Variants in ZFYVE19 observed in about 807,000 individuals in gnomAD.
ZFYVE19 encodes the protein abscission/NoCut checkpoint regulator.
Under a neutral mutation model 62.8 loss-of-function variants are expected in ZFYVE19, and 49 were observed. The ratio of observed to expected loss-of-function variants is 0.78; its 90% confidence interval spans 0.62 to 0.99. ZFYVE19 has a LOEUF of 0.99. Among genes scored for constraint, ZFYVE19 ranks in the 50% least tolerant of loss-of-function variants. ZFYVE19 has a pLI of 0.00. For missense variants in ZFYVE19, 630 were observed against 601.9 expected (o/e 1.05, Z -0.49); for synonymous variants, 242 against 234.3 (o/e 1.03, Z -0.30).
intron 1 of ZFYVE19, chr15:40,808,392 C>G (rs1468791387): frequency 1.3e-6 from 2 of 1,595,252 alleles, no homozygotes; most frequent in South Asian, 2.2e-5. Context: ...CCCTCTGCCT[C>G]AGTTGTGGCC....
chr15:40,807,099 G>A lies in ZFYVE19; in HGVS notation c.-491G>A. 1.4e-6 allele frequency: 1 copy of A among 735,566 alleles called. No individual in the cohort carries two copies. Among genetic ancestry groups the A allele is most frequent in the Non-Finnish European group, 2.2e-6 (1 of 463,304 alleles). 45.6% of individuals were successfully genotyped at this position (735,566 alleles called of 1,614,324 possible). A position where few individuals can be genotyped will look rare whatever the true frequency, so the allele number is the denominator to read the frequency against. On this transcript the variant is annotated 5_prime_UTR_variant, in exon 1 of 11. Coordinates refer to ENST00000355341, the MANE Select transcript of ZFYVE19 (RefSeq NM_001077268.2). Reference sequence around the variant, plus strand: ...GCAGAGGAGGCTAGCGTTCCTTGCTGCCTCGCCCCGCGGCCTCTAGGAGAC... The same window carrying A: ...GCAGAGGAGGCTAGCGTTCCTTGCTACCTCGCCCCGCGGCCTCTAGGAGAC...
At position 40,814,393 on chromosome 15, in the gene ZFYVE19, A is replaced by G; in HGVS notation, c.*167A>G. The stretch of plus-strand genomic sequence containing the variant: ...AATGAGGAAAGATTCTCCATTCGAG[A>G]GAATGACTGGGAGGGAAGAAGTCGG... On this transcript the variant is annotated 3_prime_UTR_variant, in exon 11 of 11. Transcript: ENST00000355341. 1.3e-6 allele frequency: 1 copy of G among 791,476 alleles called. No individual in the cohort carries two copies. The highest frequency in any genetic ancestry group is 2.0e-6 in the Non-Finnish European group (1 of 505,138). The allele number at this position is 791,476 out of a possible 1,614,324, so 49.0% of individuals were successfully genotyped here.
chr15:40,809,048 C>G (rs1890385275), intron 1 of ZFYVE19, 71 bp from the exon 2 acceptor site: 8 of 1,590,322 alleles, frequency 5.0e-6, no homozygotes, highest in Non-Finnish European at 6.9e-6. Context: ...TCTGTGTGTG[C>G]TTGGAGAGTC....
At chr15:40,812,575 AAGAAAGAAAGAAAG>A in intron 6 of ZFYVE19, 110 bp from the exon 7 acceptor site, 1 of 321,826 alleles carries the variant, frequency 3.1e-6, no homozygotes, top group Non-Finnish European at 4.6e-6. Flanking sequence ...GAAAGAAAGA[AAGAAAGAAAGAAAG>A]AAAAAATTAT....
At chr15:40,812,974 C>A in intron 7 of ZFYVE19, 72 bp downstream of exon 7, 1 of 1,545,864 alleles carries the variant, frequency 6.5e-7, no homozygotes, top group Non-Finnish European at 8.8e-7. Context: ...GAGTCAGGTG[C>A]TGGGGGTATT....
rs546445635 is a variant in ZFYVE19 at position 40,809,902 on chromosome 15, A to C, written c.503A>C (p.Gln168Pro). 4 of 1,614,232 alleles carry C rather than the reference A, an allele frequency of 2.5e-6. No homozygotes were observed. In the African/African-American group the frequency reaches 5.3e-5, roughly 22 times the overall value. Residue 168 changes from glutamine (Q) to proline (P), a missense_variant, in exon 4 of 11, where the codon CAG becomes CCG. Transcript: ENST00000355341. The part of the protein sequence containing the change: ...AKQKPSTSQS[Q>P]GLTRQDQMIA... ...CAAAAGCCCAGCACTTCCCAGAGCCAGGGACTGACACGACAAGACCAGATG... is the reference window on the plus strand; with the variant it reads ...CAAAAGCCCAGCACTTCCCAGAGCCCGGGACTGACACGACAAGACCAGATG...
intron 9 of ZFYVE19, 40 bp from the exon 10 acceptor site, chr15:40,813,903 T>A: frequency 6.3e-7 from 1 of 1,592,564 alleles, no homozygotes. Context: ...CATACCCCAC[T>A]GGGTACCTTA....
chr15:40,809,530 C>T, intron 3 of ZFYVE19, 72 bp downstream of exon 3: 1 of 1,546,852 alleles, frequency 6.5e-7, no homozygotes. Context: ...AGACCCTGCC[C>T]CCATCTTCTA....
At chr15:40,812,025 G>T (rs925554899) in intron 6 of ZFYVE19, among the ~76,000 whole-genome samples, 3 of 152,162 alleles carry the variant, frequency 2.0e-5, no homozygotes, top group Admixed American at 6.5e-5. Context: ...CTGAACCTGG[G>T]CCTTATCATG....
intron 9 of ZFYVE19, 51 bp from the exon 10 acceptor site, chr15:40,813,892 A>G (rs776894541): frequency 6.3e-7 from 1 of 1,593,026 alleles, no homozygotes; most frequent in East Asian, 2.2e-5. Context: ...GCAGCAGCTC[A>G]CATACCCCAC....
intron 8 of ZFYVE19, 83 bp downstream of exon 8, chr15:40,813,500 T>C (rs1890564572): frequency 1.4e-6 from 2 of 1,418,388 alleles, no homozygotes; most frequent in Non-Finnish European, 1.9e-6. Flanking sequence ...GGGTGGACAG[T>C]AACTGTGAAG....
At position 40,810,095 on chromosome 15, in the gene ZFYVE19, T is replaced by C. The variant is rs370140424; in HGVS notation, c.596T>C (p.Ile199Thr). Reference sequence around the variant, plus strand: ...GAGTTAGTCCCCTCACAGGCAGAGATAGAGGCACGGCTGGCTGCCCTAAAG... The same window carrying C: ...GAGTTAGTCCCCTCACAGGCAGAGACAGAGGCACGGCTGGCTGCCCTAAAG... ...KPKLVPSQAE[I>T]EARLAALKDE... Residue 199 changes from isoleucine (I) to threonine (T), a missense_variant, in exon 5 of 11, where the codon ATA becomes ACA. Physicochemically the swap from Ile to Thr is moderately conservative, Grantham distance 89. Coordinates refer to ENST00000355341, the MANE Select transcript of ZFYVE19 (RefSeq NM_001077268.2). The C allele has an allele frequency of 3.7e-6, 6 of 1,614,006 alleles. No homozygotes were observed. In the African/African-American group the frequency reaches 6.7e-5, roughly 18 times the overall value.
rs759171539 is a variant in ZFYVE19 at position 40,808,088 on chromosome 15, T to C, written c.279+220T>C. 1.3e-5 allele frequency: 11 copies of C among 864,466 alleles called. No homozygotes were observed. The South Asian group carries it at 1.9e-4, about 15-fold the overall frequency. The allele number at this position is 864,466 out of a possible 1,614,324, so 53.5% of individuals were successfully genotyped here. ...TGAAGTGCTTTAGGTGAGAGTTCCC[T>C]ATAAACTGTAAAGCGCGCTGCCGTC... On this transcript the variant is annotated intron_variant, in intron 1 of 10. Transcript: ENST00000355341.
intron 6 of ZFYVE19, among the ~76,000 whole-genome samples, chr15:40,812,399 A>G (rs1202867140): frequency 6.6e-6 from 1 of 152,022 alleles, no homozygotes; most frequent in Non-Finnish European, 1.5e-5. Flanking sequence ...TACAAAAATT[A>G]GCCGGGCATG....
rs568003094 is a variant in ZFYVE19 at position 40,810,174 on chromosome 15, A to G, written c.675A>G (p.Ala225=). The change falls in exon 5 of 11, where the codon GCA becomes GCG. Residue 225 remains alanine (A), a synonymous_variant. Transcript: ENST00000355341. ...CCCAGGAAATGGAGGCACGACTTGC[A>G]GCGTTGCAGGGCAGAGTTCTACCTT... The part of the protein sequence containing the change: ...PSTQEMEARL[A]ALQGRVLPSQ... 5 of 1,614,214 alleles carry G rather than the reference A, an allele frequency of 3.1e-6. No individual in the cohort carries two copies. The highest frequency in any genetic ancestry group is 1.1e-5 in the South Asian group (1 of 91,078).
chr15:40,810,346 A>G (rs1267597531), intron 5 of ZFYVE19, 130 bp downstream of exon 5: 4 of 1,428,098 alleles, frequency 2.8e-6, no homozygotes, highest in Non-Finnish European at 3.7e-6. Context: ...CAAAAACCTC[A>G]GTTACTTTTG....
intron 1 of ZFYVE19, chr15:40,808,433 A>G: frequency 6.3e-7 from 1 of 1,582,422 alleles, no homozygotes; most frequent in Non-Finnish European, 8.6e-7. Flanking sequence ...GATGGGAACT[A>G]GATGGAGTAA....
At chr15:40,808,985 G>T in intron 1 of ZFYVE19, 134 bp from the exon 2 acceptor site, 2 of 1,355,258 alleles carry the variant, frequency 1.5e-6, no homozygotes, top group Non-Finnish European at 2.0e-6. Context: ...GGCCTTAGGG[G>T]CCCCACTCCT....
At chr15:40,813,861 C>T (rs369087629) in intron 9 of ZFYVE19, 50 bp downstream of exon 9, 51 of 1,597,560 alleles carry the variant, frequency 3.2e-5, no homozygotes, top group Non-Finnish European at 4.3e-5. Flanking sequence ...AGCCTTGCTT[C>T]CTGCCTGGCT....
Sources: gnomAD v4.1 joint callset for allele counts (sites outside exome capture counted in the v4.1 genomes callset) on GRCh38, gnomAD v4.1.1 for gene constraint, MANE v1.5 for transcripts, NCBI Gene and HGNC (gene_info 2026-07-23, HGNC 2026-07-21) for gene names.